The following DPP9 variants were observed in gnomAD, a reference collection of about 807,000 sequenced individuals.
DPP9 encodes dipeptidyl peptidase 9.
Under a neutral mutation model 110.7 loss-of-function variants are expected in DPP9, and 50 were observed. The ratio of observed to expected loss-of-function variants is 0.45; its 90% confidence interval spans 0.36 to 0.57. The LOEUF (loss-of-function observed/expected upper bound fraction) is 0.57. Among genes scored for constraint, DPP9 ranks in the 20% least tolerant of loss-of-function variants. DPP9 has a pLI of 0.00. For synonymous variants in DPP9, 561 were observed against 514.4 expected (o/e 1.09, Z -1.23); for missense variants, 1,022 against 1,217.9 (o/e 0.84, Z 2.39).
At chr19:4,709,632 G>A (rs1052368410) in intron 4 of DPP9, among the ~76,000 whole-genome samples, 20 of 152,240 alleles carry the variant, frequency 1.3e-4, no homozygotes, top group African/African-American at 4.8e-4. Flanking sequence ...ATGGTTGCCC[G>A]GGGCTTGGGA....
intron 5 of DPP9, 70 bp downstream of exon 5, chr19:4,705,788 A>G: frequency 6.8e-7 from 1 of 1,465,632 alleles, no homozygotes; most frequent in Non-Finnish European, 9.5e-7. Context: ...GAAGGCATGT[A>G]TGGCCTGTGG....
Position 4,684,976 on chromosome 19 carries a change from G to A in DPP9, c.2032-167C>T. On this transcript the variant is annotated intron_variant, in intron 17 of 21. Transcript: ENST00000262960. This position sits in a 1 kb window ranked among gnomAD's most constrained non-coding sequence, Gnocchi z 4.8. Reference sequence around the variant, plus strand: ...ATGGACACCTGGGAGTGGCAAGGCGGGAGGGGCCCATACTCGGGACCCTGC... The same window carrying A: ...ATGGACACCTGGGAGTGGCAAGGCGAGAGGGGCCCATACTCGGGACCCTGC... 1 of 856,182 alleles carries A rather than the reference G, an allele frequency of 1.2e-6. No homozygotes were observed. The highest frequency in any genetic ancestry group is 1.9e-6 in the Non-Finnish European group (1 of 526,614). 53.0% of individuals were successfully genotyped at this position (856,182 alleles called of 1,614,324 possible).
chr19:4,685,761 C>CG lies in DPP9; in HGVS notation c.1895dup (p.Asp633GlyfsTer51), dbSNP rs763446975. ...GGAAGATCTCTGGAGGAACATAATC[C>CG]GGGGGGCAGCCTGCGGGAGACAGGG... On this transcript the variant is annotated frameshift_variant, in exon 17 of 22. Transcript: ENST00000262960. LOFTEE classifies it high-confidence loss of function. The surrounding 1 kb of genome is among the most constrained non-coding windows in gnomAD (Gnocchi z 5.8). 3 of 1,612,816 alleles carry CG rather than the reference C, an allele frequency of 1.9e-6. No individual in the cohort carries two copies. Among genetic ancestry groups the CG allele is most frequent in the South Asian group, 1.1e-5 (1 of 91,048 alleles).
intron 4 of DPP9, among the ~76,000 whole-genome samples, chr19:4,708,602 G>A (rs1241072946): frequency 6.6e-6 from 1 of 152,224 alleles, no homozygotes. Flanking sequence ...GTACTCTGCA[G>A]CCATAAAAAA....
intron 13 of DPP9, among the ~76,000 whole-genome samples, chr19:4,691,473 C>CAAAAA (rs546841302): frequency 8.4e-6 from 1 of 119,558 alleles, no homozygotes; most frequent in African/African-American, 3.1e-5. Flanking sequence ...GAACCCGTCT[C>CAAAAA]AAAAAAAAAA....
chr19:4,684,005 G>A lies in DPP9; in HGVS notation c.2179-376C>T, dbSNP rs778335550. The A allele has an allele frequency of 2.4e-6, 1 of 419,526 alleles. No individual in the cohort carries two copies. The highest frequency in any genetic ancestry group is 4.4e-6 in the Non-Finnish European group (1 of 228,508). The allele number at this position is 419,526 out of a possible 1,614,324, so 26.0% of individuals were successfully genotyped here. Reference sequence around the variant, plus strand: ...ACAAAGAATGGCTGGTGCCATCGCCGTTGTCACTACCAGCCACATCCCCAC... The same window carrying A: ...ACAAAGAATGGCTGGTGCCATCGCCATTGTCACTACCAGCCACATCCCCAC... On this transcript the variant is annotated intron_variant, in intron 18 of 21. Transcript: ENST00000262960. This position sits in a 1 kb window ranked among gnomAD's most constrained non-coding sequence, Gnocchi z 4.8.
intron 16 of DPP9, chr19:4,688,526 T>G: frequency 2.1e-6 from 1 of 469,000 alleles, no homozygotes; most frequent in Non-Finnish European, 3.5e-6. Flanking sequence ...CCTGCCGGGT[T>G]CTGTGCAGTC....
chr19:4,679,650 T>C (rs2089510820), intron 21 of DPP9, 185 bp downstream of exon 21: 2 of 597,630 alleles, frequency 3.3e-6, no homozygotes, highest in Non-Finnish European at 3.0e-6. Flanking sequence ...AAGACAGGAC[T>C]GATACATCAA....
chr19:4,722,320 G>A (rs751422828), intron 2 of DPP9, 179 bp downstream of exon 2: 2 of 586,232 alleles, frequency 3.4e-6, no homozygotes, highest in African/African-American at 3.8e-5. Context: ...GGGGGACAGG[G>A]GTGGAAAGAA....
rs576385431 is a variant in DPP9 at position 4,694,647 on chromosome 19, C to G, written c.1516+14G>C. ...AACGCGATGAGTCGACAGCATTCGT[C>G]AGGCTCTGCTCACCTTCCCCGGGGC... On this transcript the variant is annotated intron_variant, in intron 13 of 21. Coordinates refer to ENST00000262960, the MANE Select transcript of DPP9 (RefSeq NM_139159.5). This position sits in a 1 kb window ranked among gnomAD's most constrained non-coding sequence, Gnocchi z 4.0. 4 of 1,607,648 alleles carry G rather than the reference C, an allele frequency of 2.5e-6. No individual in the cohort carries two copies. In the East Asian group the frequency reaches 6.7e-5, roughly 27 times the overall value.
chr19:4,687,094 C>T lies in DPP9; in HGVS notation c.1886-1323G>A, dbSNP rs1404078534. Among the ~76,000 whole-genome samples the T allele has an allele frequency of 6.6e-6, 1 of 152,102 alleles. No homozygotes were observed. The highest frequency in any genetic ancestry group is 1.5e-5 in the Non-Finnish European group (1 of 68,032). Reference sequence around the variant, plus strand: ...GCTGGGTGCCCTGCTGAGCCCCTTCCCCTCCCTGACCCATCTCCTCATCTG... The same window carrying T: ...GCTGGGTGCCCTGCTGAGCCCCTTCTCCTCCCTGACCCATCTCCTCATCTG... On this transcript the variant is annotated intron_variant, in intron 16 of 21. Transcript: ENST00000262960. This position sits in a 1 kb window ranked among gnomAD's most constrained non-coding sequence, Gnocchi z 4.7.
intron 19 of DPP9, 166 bp downstream of exon 19, chr19:4,683,311 G>T (rs1296798483): frequency 6.9e-7 from 1 of 1,449,440 alleles, no homozygotes; most frequent in East Asian, 2.5e-5. Flanking sequence ...GGGGGGCTCG[G>T]CCCCGTGGGG....
chr19:4,689,864 G>T lies in DPP9; in HGVS notation c.1597-142C>A. ...TCGCCCAAGTCTGGCTTTAGGGCTG[G>T]AGATGAACCATCCCTGAGAGATGCG... On this transcript the variant is annotated intron_variant, in intron 14 of 21. Transcript: ENST00000262960. The surrounding 1 kb of genome is among the most constrained non-coding windows in gnomAD (Gnocchi z 7.0). The T allele has an allele frequency of 1.1e-6, 1 of 934,470 alleles. No individual in the cohort carries two copies. The highest frequency in any genetic ancestry group is 1.5e-6 in the Non-Finnish European group (1 of 648,694). The allele number at this position is 934,470 out of a possible 1,614,324, so 57.9% of individuals were successfully genotyped here.
Position 4,704,730 on chromosome 19 carries a change from A to G in DPP9, c.427-426T>C, listed in dbSNP as rs1453078378. ...CTATTCACAATCCCTTCCCATCAAG[A>G]GCTTTCAATTTCGTAATCCCAGCAC... On this transcript the variant is annotated intron_variant, in intron 5 of 21. Transcript: ENST00000262960. This position sits in a 1 kb window ranked among gnomAD's most constrained non-coding sequence, Gnocchi z 6.0. Among the ~76,000 whole-genome samples, 1 of 152,126 alleles carries G rather than the reference A, an allele frequency of 6.6e-6. No individual in the cohort carries two copies. The highest frequency in any genetic ancestry group is 1.5e-5 in the Non-Finnish European group (1 of 68,026).
At chr19:4,699,678 G>GACCC (rs1357751003) in intron 10 of DPP9, among the ~76,000 whole-genome samples, 2 of 152,056 alleles carry the variant, frequency 1.3e-5, no homozygotes, top group Non-Finnish European at 2.9e-5. Context: ...AGGTGATGAG[G>GACCC]ACCCTGTGTA....
At chr19:4,683,168 C>T (rs924325072) in intron 19 of DPP9, 46 of 1,437,828 alleles carry the variant, frequency 3.2e-5, no homozygotes, top group Non-Finnish European at 3.5e-5. Flanking sequence ...GCCCCCCCGC[C>T]GCTCTGCACA....
chr19:4,692,963 A>G (rs1027117367), intron 13 of DPP9, among the ~76,000 whole-genome samples: 1 of 152,148 alleles, frequency 6.6e-6, no homozygotes, highest in South Asian at 2.1e-4. Context: ...GGCAGCCTAC[A>G]GCATCACCTG....
chr19:4,680,079 T>TA (rs899724978), intron 20 of DPP9, 133 bp from the exon 21 acceptor site: 17 of 609,764 alleles, frequency 2.8e-5, no homozygotes, highest in South Asian at 3.9e-5. Context: ...AAAATATATT[T>TA]AAAAAAAATT....
chr19:4,685,147 C>T lies in DPP9; in HGVS notation c.2032-338G>A, dbSNP rs1280585623. ...CTGGGCACTGCGGGGTGCTGAGAAG[C>T]CACTCCAGGCCAGGAGAACTCGCAG... On this transcript the variant is annotated intron_variant, in intron 17 of 21. Coordinates refer to ENST00000262960, the MANE Select transcript of DPP9 (RefSeq NM_139159.5). The surrounding 1 kb of genome is among the most constrained non-coding windows in gnomAD (Gnocchi z 5.8). 3.6e-6 allele frequency: 2 copies of T among 555,830 alleles called. No individual in the cohort carries two copies. Among genetic ancestry groups the T allele is most frequent in the East Asian group, 8.6e-5 (2 of 23,320 alleles). 34.4% of individuals were successfully genotyped at this position (555,830 alleles called of 1,614,324 possible).
Sources: gnomAD v4.1 joint callset for allele counts (sites outside exome capture counted in the v4.1 genomes callset) on GRCh38, gnomAD v4.1.1 for gene constraint, Gnocchi (gnomAD v3.1) non-coding constraint, MANE v1.5 for transcripts, NCBI Gene and HGNC (gene_info 2026-07-23, HGNC 2026-07-21) for gene names.